The following PIEZO1 variants were observed in gnomAD, a reference collection of about 807,000 sequenced individuals.
The protein encoded by PIEZO1 is piezo-type mechanosensitive ion channel component 1.
Under a neutral mutation model 297.2 loss-of-function variants are expected in PIEZO1, and 296 were observed. The ratio of observed to expected loss-of-function variants is 1.00; its 90% confidence interval spans 0.91 to 1.10. The LOEUF is 1.10. Ranked by LOEUF, PIEZO1 falls within the 50% of genes least tolerant of loss-of-function variation. The probability of loss-of-function intolerance (pLI) is 0.00; values close to 1 mark genes in which losing one functional copy is unlikely to be tolerated. For synonymous variants in PIEZO1, 2,427 were observed against 1,507.5 expected (o/e 1.61, Z -14.13); for missense variants, 5,018 against 3,455.5 (o/e 1.45, Z -11.34).
chr16:88,724,082 G>C lies in PIEZO1; in HGVS notation c.4235-111C>G. On this transcript the variant is annotated intron_variant, in intron 30 of 50. Transcript: ENST00000301015. ...AGAGCCACCCTTCCCATGCGGAGTA[G>C]CCGGGAGCAGTGCAGGCACAAGACA... 4.4e-6 allele frequency: 3 copies of C among 676,438 alleles called. No homozygotes were observed. In the Middle Eastern group the frequency reaches 7.4e-4, roughly 166 times the overall value. 41.9% of individuals were successfully genotyped at this position (676,438 alleles called of 1,614,324 possible).
At chr16:88,734,203 A>G in intron 16 of PIEZO1, 149 bp from the exon 17 acceptor site, 6 of 1,177,640 alleles carry the variant, frequency 5.1e-6, no homozygotes, top group Non-Finnish European at 7.0e-6. Flanking sequence ...TGTCCCTGTG[A>G]CCTCCACGCT....
At position 88,715,919 on chromosome 16, in the gene PIEZO1, A is replaced by G; in HGVS notation, c.7316+14T>C. The G allele has an allele frequency of 1.9e-6, 3 of 1,543,882 alleles. No homozygotes were observed. In the South Asian group the frequency reaches 3.6e-5, roughly 18 times the overall value. On this transcript the variant is annotated intron_variant, in intron 50 of 50. Transcript: ENST00000301015. ...CCCCCGAGCTGCGGGGTGCCCCCCC[A>G]GCCACTCACTCACCCGTAGCCAGCC...
intron 40 of PIEZO1, 37 bp from the exon 41 acceptor site, chr16:88,720,569 G>GCCCCC: frequency 8.2e-7 from 1 of 1,216,596 alleles, no homozygotes; most frequent in Non-Finnish European, 1.1e-6. Flanking sequence ...CCCAGTACCC[G>GCCCCC]CCTCCCCACC....
Position 88,737,814 on chromosome 16 carries a change from T to A in PIEZO1, c.1021A>T (p.Arg341Trp). 2 of 1,535,790 alleles carry A rather than the reference T, an allele frequency of 1.3e-6. No individual in the cohort carries two copies. The highest frequency in any genetic ancestry group is 1.2e-5 in the South Asian group (1 of 84,064). The change falls in exon 9 of 51, where the codon AGG (arginine) becomes TGG (tryptophan). Residue 341 changes from arginine (R) to tryptophan (W), a missense_variant and splice_region_variant. Coordinates refer to ENST00000301015, the MANE Select transcript of PIEZO1 (RefSeq NM_001142864.4). Reference sequence around the variant, plus strand: ...TCATACCCCTTTGCCGCCTCCTTCCTCTGCAGAGACCAGCGTCTTGAGCCC... The same window carrying A: ...TCATACCCCTTTGCCGCCTCCTTCCACTGCAGAGACCAGCGTCTTGAGCCC... ...KLRAYRPSGQ[R>W]KEAAKGYEAR...
At chr16:88,748,105 C>G (rs1238899379) in intron 2 of PIEZO1, among the ~76,000 whole-genome samples, 1 of 152,246 alleles carries the variant, frequency 6.6e-6, no homozygotes, top group Non-Finnish European at 1.5e-5. Context: ...GGCCTCCTCT[C>G]TGCCCTCTGC....
At chr16:88,736,564 C>T (rs943615939) in intron 11 of PIEZO1, 75 bp downstream of exon 11, 15 of 1,209,172 alleles carry the variant, frequency 1.2e-5, no homozygotes, top group African/African-American at 6.1e-5. Context: ...AGCTGCCCAG[C>T]GCACCCCACC....
At chr16:88,725,784 CCT>C in intron 27 of PIEZO1, 100 bp from the exon 28 acceptor site, 1 of 688,572 alleles carries the variant, frequency 1.5e-6, no homozygotes, top group Non-Finnish European at 2.6e-6. Flanking sequence ...TCAGCCTGCT[CCT>C]CTCTGCCCAC....
chr16:88,742,150 C>T, intron 3 of PIEZO1, 55 bp from the exon 4 acceptor site: 2 of 1,528,760 alleles, frequency 1.3e-6, no homozygotes, highest in Non-Finnish European at 1.8e-6. Context: ...AGCACCGTGG[C>T]CTGGTCATCC....
In PIEZO1 at chr16:88,720,298, G is replaced by A; in HGVS notation, c.5950-15C>T. ...GCCGAGTGCTTCTGTGGCCAGGAGAGCACAGGTCAGGGGGAGCCAAGCCCA... is the reference window on the plus strand; with the variant it reads ...GCCGAGTGCTTCTGTGGCCAGGAGAACACAGGTCAGGGGGAGCCAAGCCCA... On this transcript the variant is annotated splice_polypyrimidine_tract_variant and intron_variant, in intron 41 of 50. Coordinates refer to ENST00000301015, the MANE Select transcript of PIEZO1 (RefSeq NM_001142864.4). The A allele has an allele frequency of 1.3e-6, 2 of 1,550,214 alleles. No individual in the cohort carries two copies. The highest frequency in any genetic ancestry group is 2.0e-5 in the Admixed American group (1 of 51,010).
At chr16:88,765,701 C>T (rs1241098141) in intron 1 of PIEZO1, among the ~76,000 whole-genome samples, 3 of 146,626 alleles carry the variant, frequency 2.0e-5, no homozygotes, top group African/African-American at 5.1e-5. Flanking sequence ...GACAGAGTCT[C>T]ACTCTGTCGC....
intron 1 of PIEZO1, among the ~76,000 whole-genome samples, chr16:88,779,299 A>G (rs191849897): frequency 1.1e-3 from 171 of 152,232 alleles, no homozygotes; most frequent in African/African-American, 3.9e-3. Flanking sequence ...TCGGCTTCCC[A>G]AAGTGCTGGG....
chr16:88,767,572 C>A (rs1285589466), intron 1 of PIEZO1, among the ~76,000 whole-genome samples: 1 of 152,172 alleles, frequency 6.6e-6, no homozygotes, highest in Non-Finnish European at 1.5e-5. Context: ...CCCCAAGAGC[C>A]ACATACCATC....
chr16:88,719,383 G>GCACT, intron 44 of PIEZO1, 191 bp downstream of exon 44: 1 of 600,644 alleles, frequency 1.7e-6, no homozygotes, highest in East Asian at 2.8e-5. Flanking sequence ...TCTGCGCCCA[G>GCACT]CACTCACTCG....
Position 88,732,854 on chromosome 16 carries a change from G to T in PIEZO1, c.2665-122C>A, listed in dbSNP as rs950453655. 8 of 1,034,728 alleles carry T rather than the reference G, an allele frequency of 7.7e-6. No homozygotes were observed. The East Asian group carries it at 2.1e-4, about 27-fold the overall frequency. The allele number at this position is 1,034,728 out of a possible 1,614,324, so 64.1% of individuals were successfully genotyped here. On this transcript the variant is annotated intron_variant, in intron 19 of 50. Coordinates refer to ENST00000301015, the MANE Select transcript of PIEZO1 (RefSeq NM_001142864.4). ...CTGCTCCCCAGCCAGGGACACGGGGGCTGCCAGCCTTGGAGCCACCTTCAC... is the reference window on the plus strand; with the variant it reads ...CTGCTCCCCAGCCAGGGACACGGGGTCTGCCAGCCTTGGAGCCACCTTCAC...
Position 88,725,650 on chromosome 16 carries a change from T to C in PIEZO1, c.4003A>G (p.Ser1335Gly). 1 of 1,549,286 alleles carries C rather than the reference T, an allele frequency of 6.5e-7. No homozygotes were observed. The highest frequency in any genetic ancestry group is 8.7e-7 in the Non-Finnish European group (1 of 1,145,838). The change falls in exon 28 of 51, where the codon AGC becomes GGC. Residue 1335 changes from serine (S) to glycine (G), a missense_variant. Coordinates refer to ENST00000301015, the MANE Select transcript of PIEZO1 (RefSeq NM_001142864.4). The stretch of plus-strand genomic sequence containing the variant: ...TCTATCCTGCGGTGAAAGTCAATGC[T>C]CTTGAGGTTGGCAGCGTTGTAGAGG... The part of the protein sequence containing the change: ...FALYNAANLK[S>G]IDFHRRIEEK...
At chr16:88,751,890 G>T (rs111270693) in intron 1 of PIEZO1, among the ~76,000 whole-genome samples, 1 of 152,272 alleles carries the variant, frequency 6.6e-6, no homozygotes, top group East Asian at 1.9e-4. Flanking sequence ...AGGAGCTCAC[G>T]GTCTGACCTG....
chr16:88,779,407 C>T (rs1408426936), intron 1 of PIEZO1, among the ~76,000 whole-genome samples: 2 of 152,188 alleles, frequency 1.3e-5, no homozygotes, highest in African/African-American at 4.8e-5. Flanking sequence ...TTTCTTTCCC[C>T]GCCTGTGCTC....
In PIEZO1 at chr16:88,719,774, A is replaced by AC. The variant is rs1259895813; in HGVS notation, c.6323+27dup. 2.6e-6 allele frequency: 4 copies of AC among 1,548,650 alleles called. No homozygotes were observed. The African/African-American group carries it at 4.1e-5, about 16-fold the overall frequency. On this transcript the variant is annotated intron_variant, in intron 43 of 50. Transcript: ENST00000301015. ...TGGGCTCCCTCATGCCCGGGCCGTG[A>AC]CCCCCACCCCGGCGGACCTGCACTC...
chr16:88,743,375 G>C (rs1328361366), intron 2 of PIEZO1: 13 of 450,368 alleles, frequency 2.9e-5, no homozygotes, highest in African/African-American at 8.0e-5. Flanking sequence ...GTGCTGGCAG[G>C]AGCTTCCGGG....
Sources: gnomAD v4.1 joint callset for allele counts (sites outside exome capture counted in the v4.1 genomes callset) on GRCh38, gnomAD v4.1.1 for gene constraint, MANE v1.5 for transcripts, NCBI Gene and HGNC (gene_info 2026-07-23, HGNC 2026-07-21) for gene names.